MSN: variants seen among roughly 807,000 people sequenced by gnomAD.
MSN encodes epididymis luminal protein 70.
In MSN, 2 loss-of-function variants were observed where a neutral mutation model predicts 48.0. That is an observed-to-expected ratio of 0.04 (90% CI 0.02 to 0.13). The LOEUF (loss-of-function observed/expected upper bound fraction) is 0.13. Ranked by LOEUF, MSN falls within the 10% of genes least tolerant of loss-of-function variation. The pLI, the probability that MSN is intolerant of heterozygous loss-of-function variation, is 1.00. For synonymous variants in MSN, 146 were observed against 166.9 expected (o/e 0.87, Z 0.97); for missense variants, 267 against 470.1 (o/e 0.57, Z 3.99).
At chrX:65,684,770 A>C (rs891853220) in intron 1 of MSN, among the ~76,000 whole-genome samples, 1 of 111,557 alleles carries the variant, frequency 9.0e-6, no homozygotes, top group Non-Finnish European at 1.9e-5. Context: ...ACAGCGTCTC[A>C]CTCTGTTACC....
At chrX:65,734,756 A>G (rs1429171811) in intron 7 of MSN, among the ~76,000 whole-genome samples, 1 of 111,902 alleles carries the variant, frequency 8.9e-6, no homozygotes, top group Non-Finnish European at 1.9e-5. Context: ...TCATGTATGT[A>G]TTTACAGCCT....
At chrX:65,615,323 A>T (rs1390818697) in intron 1 of MSN, among the ~76,000 whole-genome samples, 1 of 107,948 alleles carries the variant, frequency 9.3e-6, no homozygotes, top group African/African-American at 3.6e-5. Flanking sequence ...TCCCACCAAC[A>T]GTGTAAAAGT....
intron 1 of MSN, among the ~76,000 whole-genome samples, chrX:65,603,962 C>T (rs1160714714): frequency 2.7e-5 from 3 of 109,856 alleles, no homozygotes; most frequent in Non-Finnish European, 5.6e-5. Flanking sequence ...ACCATCATCA[C>T]CATTATCATA....
chrX:65,607,643 C>A (rs1041203798), intron 1 of MSN, among the ~76,000 whole-genome samples: 2 of 111,494 alleles, frequency 1.8e-5, no homozygotes, highest in African/African-American at 6.5e-5. Context: ...AATTGTCAAT[C>A]TTAAGCCTGG....
At chrX:65,677,498 C>T (rs935865423) in intron 1 of MSN, among the ~76,000 whole-genome samples, 2 of 112,108 alleles carry the variant, frequency 1.8e-5, no homozygotes, top group African/African-American at 6.5e-5. Flanking sequence ...TGGCTCATGC[C>T]TGTAATCCCA....
chrX:65,721,852 G>A (rs759598953), intron 2 of MSN, among the ~76,000 whole-genome samples: 1 of 111,987 alleles, frequency 8.9e-6, no homozygotes, highest in South Asian at 3.7e-4. Context: ...GGAGTCCAAG[G>A]TGAGAGGATC....
At chrX:65,629,741 C>T (rs1449578367) in intron 1 of MSN, among the ~76,000 whole-genome samples, 3 of 111,376 alleles carry the variant, frequency 2.7e-5, no homozygotes, top group Admixed American at 9.6e-5. Context: ...ATGAGAATAG[C>T]GTGGGAAAGA....
intron 6 of MSN, among the ~76,000 whole-genome samples, 179 bp from the exon 7 acceptor site, chrX:65,733,005 C>T (rs2071637852): frequency 9.1e-6 from 1 of 109,888 alleles, no homozygotes; most frequent in African/African-American, 3.3e-5. Flanking sequence ...TTGCTCAAGC[C>T]CAAGAGTTCA....
At chrX:65,641,969 T>C (rs1287047341) in intron 1 of MSN, among the ~76,000 whole-genome samples, 1 of 107,915 alleles carries the variant, frequency 9.3e-6, no homozygotes, top group African/African-American at 3.4e-5. Flanking sequence ...ACCCTGTCTC[T>C]ACCAAAAATA....
At chrX:65,730,779 C>G (rs1462290814) in intron 4 of MSN, among the ~76,000 whole-genome samples, 2 of 110,887 alleles carry the variant, frequency 1.8e-5, no homozygotes, top group East Asian at 5.7e-4. Flanking sequence ...CTACTGTTAG[C>G]CCCTAAAGTC....
intron 1 of MSN, among the ~76,000 whole-genome samples, chrX:65,602,713 A>G (rs1000989583): frequency 8.9e-6 from 1 of 111,987 alleles, no homozygotes; most frequent in Non-Finnish European, 1.9e-5. Context: ...TTCTTTATTG[A>G]CAAAATGAAG....
intron 3 of MSN, 150 bp downstream of exon 3, chrX:65,728,059 C>G (rs1408260632): frequency 2.2e-6 from 1 of 451,634 alleles, no homozygotes; most frequent in Non-Finnish European, 3.7e-6. Flanking sequence ...AGAATAAGGA[C>G]CGAGGACACA....
At position 65,680,674 on chromosome X, in the gene MSN, G is replaced by A. The variant is rs1030276545; in HGVS notation, c.12+12821G>A. 7.1e-4 allele frequency among the ~76,000 whole-genome samples: 79 copies of A among 111,412 alleles called. 1 individual carries two copies. Among genetic ancestry groups the A allele is most frequent in the Non-Finnish European group, 3.0e-4 (16 of 53,056 alleles). On this transcript the variant is annotated intron_variant, in intron 1 of 12. Coordinates refer to ENST00000360270, the MANE Select transcript of MSN (RefSeq NM_002444.3). The stretch of plus-strand genomic sequence containing the variant: ...TATGTGGTAGCTTTGTGGGCCCAAG[G>A]TTTCCCAAGTCCAAGTAAGCTATAC...
intron 1 of MSN, among the ~76,000 whole-genome samples, chrX:65,636,570 T>A (rs2070600998): frequency 9.5e-6 from 1 of 105,512 alleles, no homozygotes; most frequent in Non-Finnish European, 1.9e-5. Flanking sequence ...CATGGTGAAA[T>A]CCTGTCTCTA....
chrX:65,703,786 G>C lies in MSN; in HGVS notation c.13-13032G>C, dbSNP rs969989735. ...GACAGAATTTCGCCATTTTGCCCAG[G>C]CTGGTCTTTAACTGGGCTCAAGCGG... is the stretch of plus-strand genomic sequence containing the variant. On this transcript the variant is annotated intron_variant, in intron 1 of 12. Coordinates refer to ENST00000360270, the MANE Select transcript of MSN (RefSeq NM_002444.3). Among the ~76,000 whole-genome samples, 6 of 111,564 alleles carry C rather than the reference G, an allele frequency of 5.4e-5. No homozygotes were observed. In the Admixed American group the frequency reaches 5.7e-4, roughly 11 times the overall value.
Position 65,614,201 on chromosome X carries a change from G to C in MSN, c.-22+25589G>C, listed in dbSNP as rs183553968. ...GTTGTAGATATGTAGTTTTATTTCT[G>C]AGACCTCTGTTCTGTTCCATTGGTC... is the stretch of plus-strand genomic sequence containing the variant. On this transcript the variant is annotated intron_variant, in intron 1 of 3. Coordinates refer to the MSN transcript ENST00000609672. Among the ~76,000 whole-genome samples, 3 of 111,321 alleles carry C rather than the reference G, an allele frequency of 2.7e-5. No individual in the cohort carries two copies. The East Asian group carries it at 8.5e-4, about 31-fold the overall frequency.
Position 65,719,501 on chromosome X carries a change from A to G in MSN, c.96+2600A>G, listed in dbSNP as rs188044234. The stretch of plus-strand genomic sequence containing the variant: ...CTGGCATATGTGAGGAGGTAGGGCT[A>G]GCTGGCAGGGGGATCATCTCTTCCT... On this transcript the variant is annotated intron_variant, in intron 2 of 12. Coordinates refer to ENST00000360270, the MANE Select transcript of MSN (RefSeq NM_002444.3). Among the ~76,000 whole-genome samples, 103 of 111,968 alleles carry G rather than the reference A, an allele frequency of 9.2e-4. 1 individual carries two copies. The highest frequency in any genetic ancestry group is 1.6e-3 in the Non-Finnish European group (84 of 53,176).
At chrX:65,609,239 T>G (rs184430525) in intron 1 of MSN, among the ~76,000 whole-genome samples, 1 of 107,611 alleles carries the variant, frequency 9.3e-6, no homozygotes, top group African/African-American at 3.4e-5. Flanking sequence ...GAACACTCTA[T>G]GCACCCAAGG....
intron 8 of MSN, 22 bp downstream of exon 8, chrX:65,735,452 G>T (rs890987951): frequency 6.8e-6 from 8 of 1,183,552 alleles, no homozygotes; most frequent in Middle Eastern, 2.3e-4. Flanking sequence ...ACACTGATGT[G>T]GGGGGCCAGG....
Sources: gnomAD v4.1 joint callset for allele counts (sites outside exome capture counted in the v4.1 genomes callset) on GRCh38, gnomAD v4.1.1 for gene constraint, MANE v1.5 for transcripts, NCBI Gene and HGNC (gene_info 2026-07-23, HGNC 2026-07-21) for gene names.